The following FRAS1 variants were observed in gnomAD, a reference collection of about 807,000 sequenced individuals.
The protein encoded by FRAS1 is Fraser extracellular matrix complex subunit 1.
A neutral mutation model predicts 435.2 loss-of-function variants in FRAS1; 290 were observed. The ratio of observed to expected loss-of-function variants is 0.67; its 90% CI spans 0.61 to 0.73. FRAS1 has a LOEUF of 0.73. Ranked by LOEUF, FRAS1 falls within the 30% of genes least tolerant of loss-of-function variation. FRAS1 has a pLI of 0.00. For missense variants in FRAS1, 4,860 were observed against 5,001.5 expected (o/e 0.97, Z 0.85); for synonymous variants, 1,800 against 1,851.0 (o/e 0.97, Z 0.71).
intron 2 of FRAS1, among the ~76,000 whole-genome samples, chr4:78,094,107 T>G (rs1043537778): frequency 1.4e-5 from 1 of 73,418 alleles, no homozygotes; most frequent in Admixed American, 1.5e-4. Context: ...TAACCAAGTT[T>G]TTTTTTTTTT....
intron 18 of FRAS1, 87 bp downstream of exon 18, chr4:78,319,073 G>A (rs1729394557): frequency 6.8e-6 from 9 of 1,331,822 alleles, no homozygotes; most frequent in African/African-American, 1.5e-5. Flanking sequence ...CAGGAAGACC[G>A]ATGTTTAATT....
intron 20 of FRAS1, among the ~76,000 whole-genome samples, chr4:78,342,889 A>C (rs938682228): frequency 6.6e-6 from 1 of 152,222 alleles, no homozygotes; most frequent in Admixed American, 6.5e-5. Context: ...GGGATTAAAA[A>C]TTTGTTATTG....
rs1410792926 is a variant in FRAS1, at chr4:78,542,309, A to G, written c.*1185A>G. 1.3e-5 allele frequency: 2 copies of G among 152,240 alleles called. No individual in the cohort carries two copies. The highest frequency in any genetic ancestry group is 2.9e-5 in the Non-Finnish European group (2 of 68,048). 9.4% of individuals were successfully genotyped at this position (152,240 alleles called of 1,614,324 possible). A position where few individuals can be genotyped will look rare whatever the true frequency, so the allele number is the denominator to read the frequency against. ...ATATCAGCACATGACAAGGCCATGA[A>G]CACATGGCTCTAAAATAATTTAGTG... On this transcript the variant is annotated 3_prime_UTR_variant, in exon 74 of 74. Coordinates refer to ENST00000512123, the MANE Select transcript of FRAS1 (RefSeq NM_025074.7).
At chr4:78,228,116 A>G (rs1472418526) in intron 2 of FRAS1, among the ~76,000 whole-genome samples, 2 of 152,238 alleles carry the variant, frequency 1.3e-5, no homozygotes, top group Non-Finnish European at 2.9e-5. Context: ...AATAATTTTA[A>G]TATGAGAGAT....
At chr4:78,270,617 G>T (rs917144659) in intron 9 of FRAS1, among the ~76,000 whole-genome samples, 8 of 140,298 alleles carry the variant, frequency 5.7e-5, no homozygotes, top group Admixed American at 8.1e-5. Flanking sequence ...TCACTTTTCA[G>T]TTTTGTCTGT....
intron 2 of FRAS1, among the ~76,000 whole-genome samples, chr4:78,212,205 T>G (rs1272240463): frequency 6.6e-6 from 1 of 152,184 alleles, no homozygotes; most frequent in Non-Finnish European, 1.5e-5. Context: ...ATTTGAAAAT[T>G]GTCACCTTTG....
At chr4:78,263,852 G>C (rs1726229146) in intron 6 of FRAS1, among the ~76,000 whole-genome samples, 1 of 152,174 alleles carries the variant, frequency 6.6e-6, no homozygotes, top group Non-Finnish European at 1.5e-5. Context: ...CAGTTAGGTA[G>C]TAATACATGA....
At chr4:78,245,117 G>T in intron 3 of FRAS1, 116 bp from the exon 4 acceptor site, 1 of 739,958 alleles carries the variant, frequency 1.4e-6, no homozygotes. Flanking sequence ...ATCTGTTGTT[G>T]TCACCTCAGA....
chr4:78,531,286 CAG>C (rs1386406167), intron 70 of FRAS1, among the ~76,000 whole-genome samples: 1 of 152,182 alleles, frequency 6.6e-6, no homozygotes, highest in East Asian at 1.9e-4. Context: ...CATCTGCAAA[CAG>C]AGGCAATTTG....
At position 78,387,584 on chromosome 4, in the gene FRAS1, A is replaced by T; in HGVS notation, c.3858A>T (p.Arg1286Ser). 6.2e-7 allele frequency: 1 copy of T among 1,613,832 alleles called. No individual in the cohort carries two copies. Among genetic ancestry groups the T allele is most frequent in the South Asian group, 1.1e-5 (1 of 91,052 alleles). The change falls in exon 29 of 74, where the codon AGA becomes AGT. Residue 1286 changes from arginine to serine, a missense_variant. Transcript: ENST00000512123. The part of the protein sequence containing the change: ...IYQFQLDELS[R>S]GLLHYAHDGS... ...AATTCCAGCTGGATGAACTCTCTAG[A>T]GGCCTTCTCCACTATGCTCATGATG... is the stretch of plus-strand genomic sequence containing the variant.
chr4:78,368,516 T>A (rs6533620), intron 22 of FRAS1, among the ~76,000 whole-genome samples: 95,476 of 151,750 alleles, frequency 0.63, 30,195 homozygotes, highest in Non-Finnish European at 0.66. Flanking sequence ...GCTTTATTTC[T>A]TTTATGTAGC....
intron 60 of FRAS1, 60 bp downstream of exon 60, chr4:78,497,021 A>G (rs1312477211): frequency 6.1e-6 from 8 of 1,317,928 alleles, no homozygotes; most frequent in Non-Finnish European, 8.5e-6. Flanking sequence ...CTGATGTTTA[A>G]CTAATTATTA....
chr4:78,466,647 G>A (rs768369031), intron 50 of FRAS1, among the ~76,000 whole-genome samples: 16 of 152,208 alleles, frequency 1.1e-4, no homozygotes, highest in Non-Finnish European at 1.9e-4. Context: ...AGGATCCAAG[G>A]AGGTAATCCA....
chr4:78,393,293 C>T (rs1216313548), intron 29 of FRAS1, among the ~76,000 whole-genome samples: 1 of 152,010 alleles, frequency 6.6e-6, no homozygotes, highest in African/African-American at 2.4e-5. Flanking sequence ...AGGCACTATG[C>T]TATATAGTAG....
intron 14 of FRAS1, among the ~76,000 whole-genome samples, chr4:78,302,823 T>A (rs536157032): frequency 8.5e-5 from 13 of 152,320 alleles, no homozygotes; most frequent in African/African-American, 3.1e-4. Flanking sequence ...TTCACTCTGA[T>A]GGTAGTTTCT....
At chr4:78,357,682 G>C (rs431812) in intron 20 of FRAS1, among the ~76,000 whole-genome samples, 10,168 of 152,100 alleles carry the variant, frequency 0.067, 640 homozygotes, top group African/African-American at 0.17. Context: ...AGGGAAGATT[G>C]CTTGAGGCCA....
intron 32 of FRAS1, among the ~76,000 whole-genome samples, chr4:78,413,344 T>C (rs1175539590): frequency 6.6e-6 from 1 of 152,204 alleles, no homozygotes; most frequent in Non-Finnish European, 1.5e-5. Context: ...ATTCCAGATG[T>C]TCCAGGGGTC....
intron 2 of FRAS1, among the ~76,000 whole-genome samples, chr4:78,235,654 T>C (rs1216703408): frequency 2.0e-5 from 3 of 152,266 alleles, no homozygotes; most frequent in African/African-American, 7.2e-5. Context: ...ATGAGTGCAA[T>C]AAAGTGTGAC....
At chr4:78,210,943 G>A (rs1242029930) in intron 2 of FRAS1, among the ~76,000 whole-genome samples, 3 of 152,160 alleles carry the variant, frequency 2.0e-5, no homozygotes, top group Non-Finnish European at 4.4e-5. Context: ...CACCCACCAA[G>A]GCTTCATTTC....
Sources: allele counts gnomAD v4.1 joint callset (sites outside exome capture counted in the v4.1 genomes callset), GRCh38; gene constraint gnomAD v4.1.1; transcripts MANE v1.5; gene names NCBI Gene and HGNC (gene_info 2026-07-23, HGNC 2026-07-21).